DYRK1A: variants seen among roughly 807,000 people sequenced by gnomAD.
The protein encoded by DYRK1A is dual specificity tyrosine phosphorylation regulated kinase 1A, also known as dual specificity tyrosine-phosphorylation-regulated kinase 1A.
DYRK1A carries 9 observed loss-of-function variants against 79.7 expected under a neutral mutation model. The ratio of observed to expected loss-of-function variants is 0.11; its 90% CI spans 0.07 to 0.20. The LOEUF (loss-of-function observed/expected upper bound fraction) is 0.20. Among genes scored for constraint, DYRK1A ranks in the 10% least tolerant of loss-of-function variants. DYRK1A has a pLI of 1.00. For missense variants in DYRK1A, 622 were observed against 956.0 expected, an observed-to-expected ratio of 0.65 and a Z score of 4.61; for synonymous variants, 349 against 329.7, an observed-to-expected ratio of 1.06 and a Z score of -0.63.
At chr21:37,441,032 G>A (rs182912349) in intron 2 of DYRK1A, among the ~76,000 whole-genome samples, 7 of 151,678 alleles carry the variant, frequency 4.6e-5, no homozygotes, top group Admixed American at 3.9e-4. Flanking sequence ...GTCTATCGTT[G>A]TAGTTTTATC....
intron 1 of DYRK1A, among the ~76,000 whole-genome samples, chr21:37,376,892 T>A (rs899146948): frequency 7.9e-5 from 12 of 152,172 alleles, no homozygotes; most frequent in Admixed American, 7.2e-4. Flanking sequence ...TAATAATAAC[T>A]GTTCAGTTTT....
chr21:37,446,999 C>T (rs568666270), intron 2 of DYRK1A, among the ~76,000 whole-genome samples: 2 of 152,168 alleles, frequency 1.3e-5, no homozygotes, highest in African/African-American at 4.8e-5. Flanking sequence ...CCACTTGTCC[C>T]CTGTGTGAGA....
intron 1 of DYRK1A, among the ~76,000 whole-genome samples, chr21:37,418,618 T>C (rs924568069): frequency 7.9e-5 from 12 of 152,214 alleles, no homozygotes; most frequent in African/African-American, 2.7e-4. Context: ...TTCCCCATAG[T>C]TCATGTCATA....
chr21:37,375,519 CTTT>C (rs58948987), intron 1 of DYRK1A, among the ~76,000 whole-genome samples: 6 of 81,446 alleles, frequency 7.4e-5, no homozygotes, highest in South Asian at 4.7e-4. Flanking sequence ...AGGAATATTA[CTTT>C]TTTTTTTTTT....
rs141624967 is a variant in DYRK1A, at chr21:37,519,134, C to T, written c.*6603C>T. 1 of 152,326 alleles carries T rather than the reference C, an allele frequency of 6.6e-6. No individual in the cohort carries two copies. The highest frequency in any genetic ancestry group is 1.5e-5 in the Non-Finnish European group (1 of 68,028). 9.4% of individuals were successfully genotyped at this position (152,326 alleles called of 1,614,324 possible). On this transcript the variant is annotated 3_prime_UTR_variant, in exon 12 of 12. Coordinates refer to ENST00000647188, the MANE Select transcript of DYRK1A (RefSeq NM_001347721.2). ...TAACATCCTATTCATTAATAGCTCTCAGATGTCCCATGAGAATGGCACATG... is the reference window on the plus strand; with the variant it reads ...TAACATCCTATTCATTAATAGCTCTTAGATGTCCCATGAGAATGGCACATG...
At chr21:37,393,203 T>C (rs2049903142) in intron 1 of DYRK1A, among the ~76,000 whole-genome samples, 1 of 152,006 alleles carries the variant, frequency 6.6e-6, no homozygotes, top group Admixed American at 6.5e-5. Flanking sequence ...ATGTGTAGTC[T>C]CAGTAAGTGA....
chr21:37,517,441 A>G lies in DYRK1A; in HGVS notation c.*4910A>G, dbSNP rs2148670779. 6.6e-6 allele frequency: 1 copy of G among 152,328 alleles called. No homozygotes were observed. Among genetic ancestry groups the G allele is most frequent in the East Asian group, 1.9e-4 (1 of 5,184 alleles). 9.4% of individuals were successfully genotyped at this position (152,328 alleles called of 1,614,324 possible). Reference sequence around the variant, plus strand: ...TGATAATCTTCCCGATTAAATTTCTAAAATTGCTACTTTGGGAATTTTTTT... The same window carrying G: ...TGATAATCTTCCCGATTAAATTTCTGAAATTGCTACTTTGGGAATTTTTTT... On this transcript the variant is annotated 3_prime_UTR_variant, in exon 12 of 12. Coordinates refer to ENST00000647188, the MANE Select transcript of DYRK1A (RefSeq NM_001347721.2).
intron 1 of DYRK1A, among the ~76,000 whole-genome samples, chr21:37,401,438 T>TA (rs1033937758): frequency 2.0e-5 from 3 of 151,944 alleles, no homozygotes; most frequent in African/African-American, 7.2e-5. Context: ...CACCTTAAGA[T>TA]ACGTATTTTG....
intron 2 of DYRK1A, among the ~76,000 whole-genome samples, chr21:37,442,057 C>T (rs1459223275): frequency 1.3e-5 from 2 of 151,280 alleles, no homozygotes; most frequent in Admixed American, 1.3e-4. Flanking sequence ...GCACCATCTG[C>T]TCTCTCGCAT....
intron 9 of DYRK1A, among the ~76,000 whole-genome samples, chr21:37,498,177 T>C (rs2053331630): frequency 6.6e-6 from 1 of 152,210 alleles, no homozygotes; most frequent in Non-Finnish European, 1.5e-5. Context: ...AAATACTATA[T>C]ATTTTTTTCC....
intron 1 of DYRK1A, among the ~76,000 whole-genome samples, chr21:37,395,668 C>A (rs1160872761): frequency 6.6e-6 from 1 of 152,164 alleles, no homozygotes; most frequent in Non-Finnish European, 1.5e-5. Flanking sequence ...CCTGCATTAT[C>A]TGTGTCCCCT....
intron 1 of DYRK1A, among the ~76,000 whole-genome samples, chr21:37,369,802 G>A (rs549527442): frequency 6.6e-6 from 1 of 152,214 alleles, no homozygotes; most frequent in Non-Finnish European, 1.5e-5. Flanking sequence ...TTTGTTTTGA[G>A]ATCTAAGTAT....
At chr21:37,432,931 G>A (rs548113388) in intron 2 of DYRK1A, among the ~76,000 whole-genome samples, 2 of 149,646 alleles carry the variant, frequency 1.3e-5, no homozygotes, top group Admixed American at 6.7e-5. Context: ...AGCCGAGATC[G>A]CGCCATTGCA....
intron 2 of DYRK1A, among the ~76,000 whole-genome samples, chr21:37,445,503 A>G (rs1216121120): frequency 1.3e-5 from 2 of 152,200 alleles, no homozygotes; most frequent in African/African-American, 4.8e-5. Context: ...ATGGAGAGAG[A>G]TACACAGTAA....
At chr21:37,498,694 C>G (rs1329006836) in intron 9 of DYRK1A, among the ~76,000 whole-genome samples, 2 of 152,156 alleles carry the variant, frequency 1.3e-5, no homozygotes, top group Non-Finnish European at 2.9e-5. Flanking sequence ...ACAGCACAGT[C>G]TAAGAGTAGA....
At chr21:37,397,951 T>C (rs931888041) in intron 1 of DYRK1A, among the ~76,000 whole-genome samples, 1 of 151,784 alleles carries the variant, frequency 6.6e-6, no homozygotes, top group African/African-American at 2.4e-5. Flanking sequence ...AAAAGTACCG[T>C]AAAAGACTGG....
intron 1 of DYRK1A, among the ~76,000 whole-genome samples, chr21:37,418,424 TAAAG>T (rs1379986447): frequency 6.6e-6 from 1 of 152,234 alleles, no homozygotes; most frequent in African/African-American, 2.4e-5. Flanking sequence ...CAATTTTTAA[TAAAG>T]AATACTGATA....
At chr21:37,366,638 G>T (rs1245214794), upstream of DYRK1A, among the ~76,000 whole-genome samples, 5 of 151,802 alleles carry the variant, frequency 3.3e-5, no homozygotes, top group Admixed American at 3.3e-4. Flanking sequence ...GACAGAGGGG[G>T]AGACGGAAAG....
At chr21:37,431,589 T>TC (rs2050777256) in intron 2 of DYRK1A, among the ~76,000 whole-genome samples, 1 of 152,210 alleles carries the variant, frequency 6.6e-6, no homozygotes, top group Non-Finnish European at 1.5e-5. Context: ...ACAGGGCCTT[T>TC]CCTTGTCACC....
Sources: allele counts gnomAD v4.1 joint callset (sites outside exome capture counted in the v4.1 genomes callset), GRCh38; gene constraint gnomAD v4.1.1; transcripts MANE v1.5; gene names NCBI Gene and HGNC (gene_info 2026-07-23, HGNC 2026-07-21).